Variants in CDK5RAP2 observed in about 807,000 individuals in gnomAD.
The protein encoded by CDK5RAP2 is CDK5 regulatory subunit-associated protein 2.
A neutral mutation model predicts 232.9 loss-of-function variants in CDK5RAP2; 147 were observed. The ratio of observed to expected loss-of-function variants is 0.63; its 90% CI spans 0.55 to 0.72. CDK5RAP2 has a LOEUF of 0.72. CDK5RAP2 is among the 30% of genes least tolerant of loss of function. The pLI is 0.00. For missense variants in CDK5RAP2, 2,195 were observed against 2,231.5 expected, an observed-to-expected ratio of 0.98 and a Z score of 0.33; for synonymous variants, 833 against 833.7, an observed-to-expected ratio of 1.00 and a Z score of 0.01.
At chr9:120,539,756 T>C (rs1471287213) in intron 5 of CDK5RAP2, among the ~76,000 whole-genome samples, 1 of 152,294 alleles carries the variant, frequency 6.6e-6, no homozygotes, top group Non-Finnish European at 1.5e-5. Flanking sequence ...TTCCTGAGAA[T>C]TGATTTGTAG....
chr9:120,490,385 T>C (rs910912074), intron 13 of CDK5RAP2, among the ~76,000 whole-genome samples: 1 of 152,240 alleles, frequency 6.6e-6, no homozygotes, highest in African/African-American at 2.4e-5. Context: ...TGCTTTCAGT[T>C]ACATCTGGTG....
At chr9:120,477,317 T>G (rs374825319) in intron 15 of CDK5RAP2, 33 bp downstream of exon 15, 15 of 1,449,636 alleles carry the variant, frequency 1.0e-5, no homozygotes, top group Non-Finnish European at 1.5e-5. Flanking sequence ...GTGTTCGCAT[T>G]CACATGTGTG....
intron 35 of CDK5RAP2, among the ~76,000 whole-genome samples, chr9:120,399,013 AG>A (rs1564166891): frequency 6.6e-6 from 1 of 152,204 alleles, no homozygotes; most frequent in Non-Finnish European, 1.5e-5. Context: ...AACACTACAC[AG>A]GGGGTATGTA....
chr9:120,573,674 T>C (rs1216952184), intron 1 of CDK5RAP2, among the ~76,000 whole-genome samples: 1 of 152,090 alleles, frequency 6.6e-6, no homozygotes, highest in Non-Finnish European at 1.5e-5. Flanking sequence ...TCACCTCAAG[T>C]CCATTTTGGA....
In CDK5RAP2 at chr9:120,550,888, C is replaced by A; in HGVS notation, c.210G>T (p.Leu70Phe). The A allele has an allele frequency of 6.2e-7, 1 of 1,607,720 alleles. No homozygotes were observed. The highest frequency in any genetic ancestry group is 8.5e-7 in the Non-Finnish European group (1 of 1,174,322). Residue 70 changes from leucine (L) to phenylalanine (F), a missense_variant, in exon 4 of 38, where the codon TTG becomes TTT. Leu to Phe is a conservative substitution (Grantham distance 22, BLOSUM62 0). Transcript: ENST00000349780. ...GCTTTAGGTTAAAGTTTTCTTTCTT[C>A]AATTCAGTGATTTGCTGAAAAATAT... ...MKDFENQITELKKENFNLKLR... is the reference protein window; with the variant it reads ...MKDFENQITEFKKENFNLKLR...
intron 2 of CDK5RAP2, among the ~76,000 whole-genome samples, chr9:120,569,528 T>A (rs2042770112): frequency 1.3e-5 from 2 of 152,026 alleles, no homozygotes; most frequent in Admixed American, 6.6e-5. Context: ...GGGGGAGAAT[T>A]CTCCACATTC....
intron 7 of CDK5RAP2, among the ~76,000 whole-genome samples, chr9:120,534,039 T>C (rs2041279763): frequency 6.6e-6 from 1 of 152,134 alleles, no homozygotes; most frequent in Admixed American, 6.5e-5. Context: ...TGTCAATCCA[T>C]TCCCCAAGGG....
chr9:120,479,671 C>T (rs1336513386), intron 14 of CDK5RAP2, among the ~76,000 whole-genome samples: 1 of 152,164 alleles, frequency 6.6e-6, no homozygotes, highest in Non-Finnish European at 1.5e-5. Flanking sequence ...GTATAACTGG[C>T]CCAGGCACTT....
intron 3 of CDK5RAP2, among the ~76,000 whole-genome samples, chr9:120,551,359 A>G (rs767215537): frequency 1.3e-4 from 20 of 152,230 alleles, no homozygotes; most frequent in Non-Finnish European, 2.4e-4. Context: ...TCAGACAGTC[A>G]TAACATATCA....
chr9:120,527,850 C>T lies in CDK5RAP2; in HGVS notation c.955G>A (p.Ala319Thr). The change falls in exon 10 of 38, where the codon GCC (alanine) becomes ACC (threonine). Residue 319 changes from alanine to threonine, a missense_variant. Transcript: ENST00000349780. The stretch of plus-strand genomic sequence containing the variant: ...AATGCCATGGTTAAACCCTGAATGG[C>T]TTTATCCCTCTTTAGACTATTTTTC... ...EKKNSLKRDK[A>T]IQGLTMALKS... is the part of the protein sequence containing the mutation. 3 of 1,613,586 alleles carry T rather than the reference C, an allele frequency of 1.9e-6. No homozygotes were observed. Among genetic ancestry groups the T allele is most frequent in the Non-Finnish European group, 2.5e-6 (3 of 1,179,704 alleles).
intron 7 of CDK5RAP2, among the ~76,000 whole-genome samples, chr9:120,533,408 C>T (rs1301497653): frequency 6.6e-6 from 1 of 152,142 alleles, no homozygotes; most frequent in African/African-American, 2.4e-5. Context: ...CTGAAGGTAT[C>T]ATCTTCCCTC....
rs2297455 is a variant in CDK5RAP2 at position 120,389,982 on chromosome 9, G to A, written c.5579-195C>T. The stretch of plus-strand genomic sequence containing the variant: ...ATCACAAACCCCAGGGCCAAATAAC[G>A]CATCAACAACACCTCTTTGAGGCCC... On this transcript the variant is annotated intron_variant, in intron 36 of 37. Coordinates refer to ENST00000349780, the MANE Select transcript of CDK5RAP2 (RefSeq NM_018249.6). The A allele has an allele frequency of 0.048, 30,041 of 621,432 alleles. 2,005 individuals carry two copies. Among genetic ancestry groups the A allele is most frequent in the East Asian group, 0.27 (9,264 of 34,618 alleles). 38.5% of individuals were successfully genotyped at this position (621,432 alleles called of 1,614,324 possible).
chr9:120,578,691 C>T (rs544293590), intron 1 of CDK5RAP2, among the ~76,000 whole-genome samples: 4 of 152,102 alleles, frequency 2.6e-5, no homozygotes, highest in East Asian at 3.9e-4. Context: ...CTCAGCCTCC[C>T]GAGCGGCTGG....
chr9:120,470,029 T>C, intron 17 of CDK5RAP2, 82 bp downstream of exon 17: 2 of 743,466 alleles, frequency 2.7e-6, no homozygotes, highest in Non-Finnish European at 4.7e-6. Flanking sequence ...TTCAGAATCT[T>C]AACCTCTCAT....
In CDK5RAP2 at chr9:120,527,875, C is replaced by G. The variant is rs2040975239; in HGVS notation, c.930G>C (p.Lys310Asn). The G allele has an allele frequency of 1.2e-6, 2 of 1,613,592 alleles. No homozygotes were observed. The highest frequency in any genetic ancestry group is 1.7e-6 in the Non-Finnish European group (2 of 1,179,866). The change falls in exon 10 of 38, where the codon AAG becomes AAC. Residue 310 changes from lysine (K) to asparagine (N), a missense_variant. Coordinates refer to ENST00000349780, the MANE Select transcript of CDK5RAP2 (RefSeq NM_018249.6). ...CTTTATCCCTCTTTAGACTATTTTTCTTCTCTGTAGCAATTTCTCTTTCCT... is the reference window on the plus strand; with the variant it reads ...CTTTATCCCTCTTTAGACTATTTTTGTTCTCTGTAGCAATTTCTCTTTCCT... ...REKEREIATE[K>N]KNSLKRDKAI... is the part of the protein sequence containing the mutation.
chr9:120,417,579 C>T (rs1332296533), intron 27 of CDK5RAP2, among the ~76,000 whole-genome samples: 3 of 152,238 alleles, frequency 2.0e-5, no homozygotes, highest in Non-Finnish European at 4.4e-5. Context: ...CCATCTTCCA[C>T]TGAGTCTTTG....
In CDK5RAP2 at chr9:120,404,261, C is replaced by T. The variant is rs553534895; in HGVS notation, c.4964-148G>A. ...AATCTTCACTGGGCCTCTGTCCTGC[C>T]AAGCCCACCTTTGTGGGACACCAGG... is the stretch of plus-strand genomic sequence containing the variant. On this transcript the variant is annotated intron_variant, in intron 32 of 37. Transcript: ENST00000349780. 1.1e-4 allele frequency: 74 copies of T among 690,768 alleles called. No individual in the cohort carries two copies. The African/African-American group carries it at 1.2e-3, about 11-fold the overall frequency. 42.8% of individuals were successfully genotyped at this position (690,768 alleles called of 1,614,324 possible). A position where few individuals can be genotyped will look rare whatever the true frequency, so the allele number is the denominator to read the frequency against.
chr9:120,473,945 C>G (rs986825256), intron 15 of CDK5RAP2, among the ~76,000 whole-genome samples: 6 of 152,080 alleles, frequency 3.9e-5, no homozygotes, highest in African/African-American at 1.4e-4. Flanking sequence ...GTTGGGAGAA[C>G]AAAAGGTGCT....
At chr9:120,542,853 G>A (rs530585853) in intron 5 of CDK5RAP2, among the ~76,000 whole-genome samples, 171 of 152,274 alleles carry the variant, frequency 1.1e-3, no homozygotes, top group African/African-American at 4.1e-3. Flanking sequence ...CTGTACCAGC[G>A]AAGTCCGTTA....
Sources: gnomAD v4.1 joint callset for allele counts (sites outside exome capture counted in the v4.1 genomes callset) on GRCh38, gnomAD v4.1.1 for gene constraint, MANE v1.5 for transcripts, NCBI Gene and HGNC (gene_info 2026-07-23, HGNC 2026-07-21) for gene names.